LDLRAD3: variants seen among roughly 807,000 people sequenced by gnomAD.
LDLRAD3 encodes low density lipoprotein receptor class A domain containing 3, also known as low-density lipoprotein receptor class A domain-containing protein 3.
Under a neutral mutation model 29.4 loss-of-function variants are expected in LDLRAD3, and 20 were observed. That is an observed-to-expected ratio of 0.68 (90% confidence interval 0.48 to 0.99). LDLRAD3 has a LOEUF of 0.99. Ranked by LOEUF, LDLRAD3 falls within the 50% of genes least tolerant of loss-of-function variation. The pLI, the probability that LDLRAD3 is intolerant of heterozygous loss-of-function variation, is 0.00. For synonymous variants in LDLRAD3, 157 were observed against 192.7 expected, an observed-to-expected ratio of 0.81 and a Z score of 1.53; for missense variants, 420 against 454.3, an observed-to-expected ratio of 0.92 and a Z score of 0.69.
chr11:36,145,014 G>A (rs1460381460), intron 4 of LDLRAD3, among the ~76,000 whole-genome samples: 37 of 108,042 alleles, frequency 3.4e-4, no homozygotes, highest in Middle Eastern at 7.1e-3. Context: ...CAGCCGCCCC[G>A]TCCGGGAGGT....
At chr11:36,103,947 C>T (rs951869004) in intron 4 of LDLRAD3, among the ~76,000 whole-genome samples, 2 of 152,182 alleles carry the variant, frequency 1.3e-5, no homozygotes, top group African/African-American at 4.8e-5. Context: ...CATTGATGGA[C>T]ACTTAGGTTG....
In LDLRAD3 at chr11:36,036,111, C is replaced by T. The variant is rs761562903; in HGVS notation, c.55C>T (p.Leu19=). Residue 19 remains leucine (L), a synonymous_variant, in exon 2 of 6, where the codon CTG becomes TTG. Coordinates refer to ENST00000315571, the MANE Select transcript of LDLRAD3 (RefSeq NM_174902.4). ...LLLSSAAESQ[L]LPGNNFTNEC... ...TCCCCTCTCTCTGACAGAGAGCCAGCTGCTCCCCGGGAACAACTTCACCAA... is the reference window on the plus strand; with the variant it reads ...TCCCCTCTCTCTGACAGAGAGCCAGTTGCTCCCCGGGAACAACTTCACCAA... The T allele has an allele frequency of 6.2e-6, 10 of 1,613,706 alleles. No individual in the cohort carries two copies. The South Asian group carries it at 8.8e-5, about 14-fold the overall frequency.
rs1408294688 is a variant in LDLRAD3, at chr11:35,944,445, C to G, written c.46+301C>G. ...GCGGCTGCCCCGATTGGGCGTAGCTCGAGTGTGGCTGTGTGTGTGTTGTGT... is the reference window on the plus strand; with the variant it reads ...GCGGCTGCCCCGATTGGGCGTAGCTGGAGTGTGGCTGTGTGTGTGTTGTGT... On this transcript the variant is annotated intron_variant, in intron 1 of 5. Transcript: ENST00000315571. This position sits in a 1 kb window ranked among gnomAD's most constrained non-coding sequence, Gnocchi z 4.9. Among the ~76,000 whole-genome samples the G allele has an allele frequency of 6.6e-6, 1 of 151,988 alleles. No homozygotes were observed. The highest frequency in any genetic ancestry group is 1.5e-5 in the Non-Finnish European group (1 of 67,954).
At chr11:36,020,052 A>T (rs1852075940) in intron 1 of LDLRAD3, among the ~76,000 whole-genome samples, 1 of 152,182 alleles carries the variant, frequency 6.6e-6, no homozygotes, top group Admixed American at 6.5e-5. Flanking sequence ...TGCTGACAGC[A>T]CATGTTATCA....
At chr11:35,954,294 G>A (rs1428892085) in intron 1 of LDLRAD3, among the ~76,000 whole-genome samples, 3 of 152,266 alleles carry the variant, frequency 2.0e-5, no homozygotes, top group South Asian at 2.1e-4. Flanking sequence ...CAGAATTGAA[G>A]GGCAACGTCA....
chr11:36,068,202 C>A (rs1852829024), intron 2 of LDLRAD3, among the ~76,000 whole-genome samples: 1 of 152,180 alleles, frequency 6.6e-6, no homozygotes, highest in East Asian at 1.9e-4. Context: ...ACTGAAAGAG[C>A]AAAGCCTTAG....
chr11:35,975,661 TAAC>T (rs2133151482), intron 1 of LDLRAD3, among the ~76,000 whole-genome samples: 1 of 152,162 alleles, frequency 6.6e-6, no homozygotes, highest in East Asian at 1.9e-4. Flanking sequence ...CAAAACGAAA[TAAC>T]AAACAGTATA....
intron 3 of LDLRAD3, among the ~76,000 whole-genome samples, chr11:36,095,315 C>G (rs75249393): frequency 0.075 from 11,356 of 152,274 alleles, 489 homozygotes; most frequent in Non-Finnish European, 0.095. Flanking sequence ...ATTTGCACCC[C>G]CACTTGTAAC....
intron 1 of LDLRAD3, among the ~76,000 whole-genome samples, chr11:36,019,901 C>T (rs61231225): frequency 2.0e-5 from 3 of 152,136 alleles, no homozygotes; most frequent in African/African-American, 7.2e-5. Context: ...CTCAGAGAGG[C>T]GTTGTCACCT....
chr11:36,227,468 C>T (rs1290808037), intron 5 of LDLRAD3, 38 bp downstream of exon 5: 2 of 1,446,518 alleles, frequency 1.4e-6, no homozygotes, highest in East Asian at 2.3e-5. Flanking sequence ...CGGGAGAGGT[C>T]ATCCATTGCG....
intron 4 of LDLRAD3, among the ~76,000 whole-genome samples, chr11:36,186,673 C>T (rs1296492115): frequency 2.0e-5 from 3 of 152,156 alleles, no homozygotes; most frequent in Non-Finnish European, 4.4e-5. Context: ...GGTCCAGATT[C>T]AGAATTAGTG....
chr11:36,218,302 G>A (rs1040782638), intron 4 of LDLRAD3, among the ~76,000 whole-genome samples: 2 of 152,164 alleles, frequency 1.3e-5, no homozygotes, highest in Non-Finnish European at 2.9e-5. Flanking sequence ...CCTTCTGGGG[G>A]TTGATGCTGG....
In LDLRAD3 at chr11:36,182,582, G is replaced by A. The variant is rs138496925; in HGVS notation, c.455-44503G>A. 8.7e-4 allele frequency among the ~76,000 whole-genome samples: 133 copies of A among 152,232 alleles called. 1 individual carries two copies. Among genetic ancestry groups the A allele is most frequent in the African/African-American group, 3.1e-3 (129 of 41,522 alleles). On this transcript the variant is annotated intron_variant, in intron 4 of 5. Transcript: ENST00000315571. ...GTGAGTGGGCTCCAATCTTGGCAAC[G>A]TTGGCTGCTTATTAGAGCATTTGCA...
chr11:36,062,996 A>T (rs1852729576), intron 2 of LDLRAD3, among the ~76,000 whole-genome samples: 1 of 152,226 alleles, frequency 6.6e-6, no homozygotes, highest in African/African-American at 2.4e-5. Flanking sequence ...GGAAACGATT[A>T]TGATGAATAG....
intron 4 of LDLRAD3, among the ~76,000 whole-genome samples, chr11:36,145,613 G>A: frequency 6.6e-6 from 1 of 151,686 alleles, no homozygotes. Flanking sequence ...TGCCGTGTCT[G>A]TGTAGAAAGA....
At chr11:36,169,325 T>G (rs140155327) in intron 4 of LDLRAD3, among the ~76,000 whole-genome samples, 1 of 152,344 alleles carries the variant, frequency 6.6e-6, no homozygotes, top group African/African-American at 2.4e-5. Context: ...CTAGCTGTTT[T>G]GAAATATATA....
chr11:36,106,257 A>G (rs1853527660), intron 4 of LDLRAD3, among the ~76,000 whole-genome samples: 1 of 152,152 alleles, frequency 6.6e-6, no homozygotes, highest in Admixed American at 6.5e-5. Context: ...AGACCTCATT[A>G]TCTCTCTCTA....
At chr11:36,000,225 T>A (rs1851806233) in intron 1 of LDLRAD3, among the ~76,000 whole-genome samples, 1 of 150,032 alleles carries the variant, frequency 6.7e-6, no homozygotes, top group East Asian at 1.9e-4. Flanking sequence ...TTTGTATATA[T>A]GTGTAATATA....
chr11:36,119,144 A>G (rs1222942803), intron 4 of LDLRAD3, among the ~76,000 whole-genome samples: 1 of 152,178 alleles, frequency 6.6e-6, no homozygotes, highest in Non-Finnish European at 1.5e-5. Context: ...AATTTTCTTG[A>G]TATCCACCAC....
Sources: gnomAD v4.1 joint callset for allele counts (sites outside exome capture counted in the v4.1 genomes callset) on GRCh38, gnomAD v4.1.1 for gene constraint, Gnocchi (gnomAD v3.1) non-coding constraint, MANE v1.5 for transcripts, NCBI Gene and HGNC (gene_info 2026-07-23, HGNC 2026-07-21) for gene names.